Variants in RPS29 observed in about 807,000 individuals in gnomAD.
RPS29 encodes the protein ribosomal protein S29.
For synonymous variants in RPS29, 37 were observed against 26.9 expected, an observed-to-expected ratio of 1.37 and a Z score of -1.16; for missense variants, 60 against 75.7, an observed-to-expected ratio of 0.79 and a Z score of 0.77.
chr14:49,582,600 C>A (rs1467435653), downstream of RPS29, among the ~76,000 whole-genome samples: 2 of 152,234 alleles, frequency 1.3e-5, no homozygotes, highest in African/African-American at 4.8e-5. Flanking sequence ...AATTCTGCAT[C>A]TGGCATACAG....
At chr14:49,579,761 T>G (rs1240046027), downstream of RPS29, among the ~76,000 whole-genome samples, 1 of 152,218 alleles carries the variant, frequency 6.6e-6, no homozygotes, top group African/African-American at 2.4e-5. Flanking sequence ...TGCCCTCAAG[T>G]AACTAAGTGA....
intron 1 of RPS29, among the ~76,000 whole-genome samples, chr14:49,594,757 GACATAT>G (rs935027486): frequency 6.6e-6 from 1 of 152,202 alleles, no homozygotes; most frequent in Non-Finnish European, 1.5e-5. Flanking sequence ...GCAGGTTTCA[GACATAT>G]ACATATATTT....
At chr14:49,585,744 T>C in intron 2 of RPS29, 1 of 570,280 alleles carries the variant, frequency 1.8e-6, no homozygotes, top group Non-Finnish European at 3.1e-6. Flanking sequence ...AAAGACTAAG[T>C]CCTTCACCTT....
chr14:49,590,347 G>C (rs1362279323), upstream of RPS29, among the ~76,000 whole-genome samples: 1 of 151,820 alleles, frequency 6.6e-6, no homozygotes, highest in Non-Finnish European at 1.5e-5. Flanking sequence ...ATGGTGGCGG[G>C]CGCCTGTAGT....
chr14:49,577,881 A>T, intron 2 of RPS29: 4 of 1,554,146 alleles, frequency 2.6e-6, no homozygotes, highest in Non-Finnish European at 3.5e-6. Flanking sequence ...GACCCATAAA[A>T]AGTGAAAAAG....
chr14:49,587,769 G>T (rs890324129), upstream of RPS29, among the ~76,000 whole-genome samples: 3 of 152,212 alleles, frequency 2.0e-5, no homozygotes, highest in South Asian at 2.1e-4. Context: ...CATGAAGTAC[G>T]AAAGGAGCCA....
upstream of RPS29, among the ~76,000 whole-genome samples, chr14:49,590,376 T>G (rs1215927284): frequency 6.6e-6 from 1 of 151,918 alleles, no homozygotes; most frequent in East Asian, 2.0e-4. Context: ...CTCTGGAGGC[T>G]GAGGCAGGAG....
chr14:49,597,821 G>C (rs1232615297), intron 1 of RPS29: 1 of 151,604 alleles, frequency 6.6e-6, no homozygotes, highest in Admixed American at 6.6e-5. Context: ...TAATTTTTTT[G>C]TATTTTTCTT....
chr14:49,579,451 T>C (rs1019262591), downstream of RPS29, among the ~76,000 whole-genome samples: 5 of 152,212 alleles, frequency 3.3e-5, no homozygotes, highest in African/African-American at 7.2e-5. Context: ...CATGTAGTCC[T>C]AGCATTTTGG....
chr14:49,583,984 G>T (rs912699100), intron 2 of RPS29, among the ~76,000 whole-genome samples: 2 of 152,096 alleles, frequency 1.3e-5, no homozygotes, highest in African/African-American at 4.8e-5. Context: ...TAATTACACA[G>T]TTCATCATTT....
downstream of RPS29, among the ~76,000 whole-genome samples, chr14:49,582,141 T>G (rs1465583889): frequency 6.6e-6 from 1 of 152,114 alleles, no homozygotes; most frequent in Admixed American, 6.6e-5. Flanking sequence ...TGAAATGAAC[T>G]TAAGTTCATT....
chr14:49,598,450 C>T (rs1024672406), exon 1 of RPS29: 1 of 702,102 alleles, frequency 1.4e-6, no homozygotes, highest in African/African-American at 1.7e-5. Flanking sequence ...CAAATACAGC[C>T]ATATAAAGCC....
chr14:49,588,326 C>G (rs1881635700), upstream of RPS29, among the ~76,000 whole-genome samples: 1 of 152,178 alleles, frequency 6.6e-6, no homozygotes, highest in African/African-American at 2.4e-5. Context: ...AATACTTATT[C>G]TAGTCTATAC....
At chr14:49,578,248 T>C (rs1459875269) in intron 2 of RPS29, among the ~76,000 whole-genome samples, 3 of 151,924 alleles carry the variant, frequency 2.0e-5, no homozygotes, top group East Asian at 1.9e-4. Context: ...AATCTAAAAA[T>C]AGAATGAGCT....
At chr14:49,582,989 T>C (rs1881387092), downstream of RPS29, among the ~76,000 whole-genome samples, 1 of 152,196 alleles carries the variant, frequency 6.6e-6, no homozygotes, top group East Asian at 1.9e-4. Context: ...TGTGTGAACA[T>C]ATATGTATAT....
chr14:49,585,842 T>C (rs927603756), intron 2 of RPS29, 108 bp downstream of exon 2: 18 of 821,002 alleles, frequency 2.2e-5, no homozygotes, highest in Middle Eastern at 7.2e-4. Flanking sequence ...GGTCGAATGC[T>C]CAGAATTACC....
chr14:49,581,602 C>T (rs1881335663), downstream of RPS29, among the ~76,000 whole-genome samples: 1 of 152,168 alleles, frequency 6.6e-6, no homozygotes, highest in South Asian at 2.1e-4. Context: ...CTAATTTTCT[C>T]TTTTAAATTT....
downstream of RPS29, among the ~76,000 whole-genome samples, chr14:49,583,392 A>G (rs564429271): frequency 2.0e-5 from 3 of 152,126 alleles, no homozygotes; most frequent in Non-Finnish European, 4.4e-5. Flanking sequence ...TCTACTAAAA[A>G]GAGAAGAATT....
intron 1 of RPS29, among the ~76,000 whole-genome samples, chr14:49,596,884 GCGCGC>G (rs1395483653): frequency 6.8e-6 from 1 of 146,968 alleles, no homozygotes; most frequent in East Asian, 2.0e-4. Flanking sequence ...GACTACAGAC[GCGCGC>G]CGCCCCGCCC....
Sources: allele counts gnomAD v4.1 joint callset (sites outside exome capture counted in the v4.1 genomes callset), GRCh38; gene constraint gnomAD v4.1.1; transcripts MANE v1.5; gene names NCBI Gene and HGNC (gene_info 2026-07-23, HGNC 2026-07-21).